The following GPHN variants were observed in gnomAD, a reference collection of about 807,000 sequenced individuals.
The protein encoded by GPHN is gephyrin.
Under a neutral mutation model 95.5 loss-of-function variants are expected in GPHN, and 17 were observed. The observed-to-expected ratio is 0.18, with a 90% CI of 0.12 to 0.27. GPHN has a LOEUF of 0.27. Among genes scored for constraint, GPHN ranks in the 10% least tolerant of loss-of-function variants. The pLI is 1.00. For synonymous variants in GPHN, 320 were observed against 322.5 expected, an observed-to-expected ratio of 0.99 and a Z score of 0.08; for missense variants, 660 against 978.1, an observed-to-expected ratio of 0.67 and a Z score of 4.34.
intron 9 of GPHN, among the ~76,000 whole-genome samples, chr14:67,000,334 T>A (rs879259264): frequency 1.3e-5 from 2 of 151,644 alleles, no homozygotes; most frequent in Admixed American, 6.6e-5. Flanking sequence ...TTAAACACCA[T>A]ACCATTTTCT....
At chr14:67,081,094 A>G (rs1211879328) in intron 11 of GPHN, among the ~76,000 whole-genome samples, 5 of 152,196 alleles carry the variant, frequency 3.3e-5, no homozygotes, top group African/African-American at 1.2e-4. Context: ...TCTTTCATGT[A>G]TAATTACTTC....
the GPHN span, among the ~76,000 whole-genome samples, chr14:67,288,848 G>A: frequency 3.4e-4 from 51 of 151,736 alleles, no homozygotes; most frequent in African/African-American, 1.2e-3. Context: ...TTCTAATGAC[G>A]GTTTTGACTT....
At chr14:67,501,086 A>AT in the GPHN span, among the ~76,000 whole-genome samples, 1 of 149,252 alleles carries the variant, frequency 6.7e-6, no homozygotes, top group Non-Finnish European at 1.5e-5. Context: ...AATAATAATA[A>AT]AGAAAATGCC....
intron 1 of GPHN, among the ~76,000 whole-genome samples, chr14:66,516,013 ATT>A (rs5809316): frequency 6.4e-4 from 93 of 146,054 alleles, no homozygotes; most frequent in African/African-American, 1.8e-3. Context: ...TTTGATACAC[ATT>A]TTTTTTTTTT....
At chr14:67,120,871 A>G (rs1255241415) in intron 16 of GPHN, among the ~76,000 whole-genome samples, 1 of 152,192 alleles carries the variant, frequency 6.6e-6, no homozygotes, top group Non-Finnish European at 1.5e-5. Context: ...ATTCGAAGGG[A>G]AGACTCCCTG....
At chr14:66,778,883 A>G (rs1157652874) in intron 3 of GPHN, among the ~76,000 whole-genome samples, 1 of 151,520 alleles carries the variant, frequency 6.6e-6, no homozygotes, top group Non-Finnish European at 1.5e-5. Context: ...TTATAGGCAC[A>G]TGACACCACA....
At chr14:67,577,506 A>G in the GPHN span, 1 of 814,258 alleles carries the variant, frequency 1.2e-6, no homozygotes, top group Non-Finnish European at 2.0e-6. Context: ...CCACAGAGGG[A>G]TCTGGAGAGG....
At chr14:67,221,759 T>C in the GPHN span, 1 of 1,612,742 alleles carries the variant, frequency 6.2e-7, no homozygotes, top group Non-Finnish European at 8.5e-7. Flanking sequence ...ATTTTTGAGA[T>C]GTGCTATTTA....
At chr14:67,224,073 A>G in the GPHN span, 2 of 846,498 alleles carry the variant, frequency 2.4e-6, no homozygotes, top group Non-Finnish European at 2.8e-6. Flanking sequence ...GTTAGGGACC[A>G]TGATCTCAAA....
intron 2 of GPHN, among the ~76,000 whole-genome samples, chr14:66,725,260 T>G (rs554345220): frequency 6.6e-6 from 1 of 152,310 alleles, no homozygotes; most frequent in East Asian, 1.9e-4. Flanking sequence ...CCCTACCTGA[T>G]TAACACATCT....
intron 3 of GPHN, among the ~76,000 whole-genome samples, chr14:66,804,024 T>C (rs560636619): frequency 1.3e-5 from 2 of 152,308 alleles, no homozygotes; most frequent in South Asian, 4.1e-4. Context: ...GTTCTGTTTT[T>C]TCCTCTCAAT....
At chr14:66,844,134 T>G (rs931187962) in intron 4 of GPHN, among the ~76,000 whole-genome samples, 8 of 152,114 alleles carry the variant, frequency 5.3e-5, no homozygotes, top group South Asian at 4.1e-4. Flanking sequence ...CTCTATTTTT[T>G]CCTTTGAGAA....
chr14:67,416,840 C>A, the GPHN span, among the ~76,000 whole-genome samples: 2 of 152,218 alleles, frequency 1.3e-5, no homozygotes, highest in Non-Finnish European at 2.9e-5. Context: ...GGCAGATGCT[C>A]CACCATAAAG....
At chr14:66,642,553 A>ATTTT (rs1196864769) in intron 1 of GPHN, among the ~76,000 whole-genome samples, 1 of 125,832 alleles carries the variant, frequency 7.9e-6, no homozygotes, top group Non-Finnish European at 1.5e-5. Flanking sequence ...AGACATTTTG[A>ATTTT]TTTTTGTTTT....
At chr14:67,691,465 C>T in the GPHN span, 1 of 468,864 alleles carries the variant, frequency 2.1e-6, no homozygotes, top group South Asian at 2.9e-5. Context: ...TACCAAATGA[C>T]CTTCCAGATC....
the GPHN span, among the ~76,000 whole-genome samples, chr14:67,362,188 T>G: frequency 4.0e-3 from 615 of 151,966 alleles, 18 homozygotes; most frequent in East Asian, 0.059. Context: ...CCCAGCTAAT[T>G]TTGGTATTTT....
At chr14:66,516,308 G>A (rs935424881) in intron 1 of GPHN, among the ~76,000 whole-genome samples, 5 of 151,788 alleles carry the variant, frequency 3.3e-5, no homozygotes, top group African/African-American at 7.3e-5. Context: ...GTGAGCCACC[G>A]TGCCTGGCCA....
chr14:66,693,331 A>C (rs535892737), intron 2 of GPHN, among the ~76,000 whole-genome samples: 1 of 152,158 alleles, frequency 6.6e-6, no homozygotes, highest in Non-Finnish European at 1.5e-5. Context: ...TTGTTTTGCT[A>C]TTTTACTCAA....
the GPHN span, chr14:67,582,171 C>G: frequency 6.2e-7 from 1 of 1,613,542 alleles, no homozygotes; most frequent in Non-Finnish European, 8.5e-7. The surrounding 1 kb of genome is among the most constrained non-coding windows in gnomAD (Gnocchi z 5.0). Context: ...TTCCTATCAA[C>G]AAGGAATTGG....
Sources: allele counts gnomAD v4.1 joint callset (sites outside exome capture counted in the v4.1 genomes callset), GRCh38; gene constraint gnomAD v4.1.1; non-coding constraint Gnocchi (gnomAD v3.1); transcripts MANE v1.5; gene names NCBI Gene and HGNC (gene_info 2026-07-23, HGNC 2026-07-21).